The following PLD5 variants were observed in gnomAD, a reference collection of about 807,000 sequenced individuals.
PLD5 encodes inactive phospholipase D5.
Under a neutral mutation model 61.1 loss-of-function variants are expected in PLD5, and 36 were observed. The observed-to-expected ratio is 0.59, with a 90% CI of 0.45 to 0.78. The LOEUF (loss-of-function observed/expected upper bound fraction) is 0.78, where lower values mean the gene tolerates loss of function less well. Ranked by LOEUF, PLD5 falls within the 30% of genes least tolerant of loss-of-function variation. The probability of loss-of-function intolerance (pLI) is 0.00; values close to 1 mark genes in which losing one functional copy is unlikely to be tolerated. For synonymous variants in PLD5, 243 were observed against 242.8 expected, an observed-to-expected ratio of 1.00 and a Z score of -0.01; for missense variants, 515 against 644.4, an observed-to-expected ratio of 0.80 and a Z score of 2.17.
At chr1:242,263,073 G>C (rs148636344) in intron 4 of PLD5, among the ~76,000 whole-genome samples, 1 of 152,038 alleles carries the variant, frequency 6.6e-6, no homozygotes, top group Non-Finnish European at 1.5e-5. Flanking sequence ...GGAGCAAAAG[G>C]AACAGGAATG....
chr1:242,147,850 G>A (rs939869798), intron 5 of PLD5, among the ~76,000 whole-genome samples: 2 of 152,012 alleles, frequency 1.3e-5, no homozygotes, highest in African/African-American at 2.4e-5. Context: ...CAGTTTTATT[G>A]GACTGTCTCT....
intron 2 of PLD5, among the ~76,000 whole-genome samples, chr1:242,300,035 G>A (rs1325434588): frequency 2.0e-5 from 3 of 152,222 alleles, no homozygotes; most frequent in Non-Finnish European, 4.4e-5. Context: ...TTAAGGAAAA[G>A]GTTGCTTCTT....
At chr1:242,316,681 G>A (rs909587240) in intron 2 of PLD5, among the ~76,000 whole-genome samples, 3 of 151,924 alleles carry the variant, frequency 2.0e-5, no homozygotes, top group Non-Finnish European at 4.4e-5. Context: ...TTGTGTCATG[G>A]GGATTTATAG....
chr1:242,329,874 C>T (rs1659064656), intron 2 of PLD5, among the ~76,000 whole-genome samples: 2 of 152,138 alleles, frequency 1.3e-5, no homozygotes, highest in Admixed American at 6.6e-5. Flanking sequence ...GAAGGGAAAA[C>T]CCAGCTTCAC....
chr1:242,272,232 T>A (rs1674132617), intron 3 of PLD5, among the ~76,000 whole-genome samples: 1 of 152,098 alleles, frequency 6.6e-6, no homozygotes, highest in Non-Finnish European at 1.5e-5. Flanking sequence ...AACTGAGATG[T>A]ACCAAAGAGC....
intron 4 of PLD5, among the ~76,000 whole-genome samples, chr1:242,264,531 G>A (rs1673547386): frequency 6.6e-6 from 1 of 151,996 alleles, no homozygotes; most frequent in South Asian, 2.1e-4. Context: ...TGGGGAAGAC[G>A]ACAAGCAAAA....
At chr1:242,341,930 G>T (rs1241824607) in intron 2 of PLD5, among the ~76,000 whole-genome samples, 1 of 150,430 alleles carries the variant, frequency 6.6e-6, no homozygotes, top group Non-Finnish European at 1.5e-5. Flanking sequence ...AGCCACCCAG[G>T]CACGGGGGCT....
chr1:242,483,887 A>T (rs530055507), intron 1 of PLD5, among the ~76,000 whole-genome samples: 1 of 151,914 alleles, frequency 6.6e-6, no homozygotes, highest in African/African-American at 2.4e-5. Flanking sequence ...ATCAAACTAG[A>T]ACTCAGGATT....
At chr1:242,454,468 G>A (rs1280995385) in intron 1 of PLD5, among the ~76,000 whole-genome samples, 1 of 151,568 alleles carries the variant, frequency 6.6e-6, no homozygotes, top group Non-Finnish European at 1.5e-5. Flanking sequence ...GATGTTGGCA[G>A]AGGAAAAAAA....
intron 6 of PLD5, among the ~76,000 whole-genome samples, chr1:242,119,061 C>A (rs747178670): frequency 5.9e-5 from 9 of 152,130 alleles, no homozygotes; most frequent in Non-Finnish European, 1.0e-4. Context: ...AAATACAGAT[C>A]CTCTTCAATA....
chr1:242,171,741 C>A (rs1666766084), intron 5 of PLD5, among the ~76,000 whole-genome samples: 1 of 151,090 alleles, frequency 6.6e-6, no homozygotes, highest in African/African-American at 2.4e-5. Flanking sequence ...GCAGGAGTTG[C>A]AATCCTAATC....
At chr1:242,242,057 G>A (rs1435628762) in intron 4 of PLD5, among the ~76,000 whole-genome samples, 4 of 138,934 alleles carry the variant, frequency 2.9e-5, no homozygotes, top group Middle Eastern at 4.1e-3. Context: ...ATGGTTGATG[G>A]AGAGAAGGAT....
intron 1 of PLD5, among the ~76,000 whole-genome samples, chr1:242,512,562 G>A (rs142489864): frequency 6.6e-6 from 1 of 152,182 alleles, no homozygotes; most frequent in Non-Finnish European, 1.5e-5. Flanking sequence ...CAACAAGCTA[G>A]AACAATGTAC....
At chr1:242,455,943 C>G (rs972199073) in intron 1 of PLD5, among the ~76,000 whole-genome samples, 2 of 152,222 alleles carry the variant, frequency 1.3e-5, no homozygotes, top group Non-Finnish European at 2.9e-5. Flanking sequence ...CCAGCTCCCC[C>G]CATGCCACTG....
intron 4 of PLD5, among the ~76,000 whole-genome samples, chr1:242,221,253 G>T (rs527814351): frequency 1.0e-3 from 153 of 152,218 alleles, no homozygotes; most frequent in African/African-American, 3.5e-3. Context: ...CAATGCAAGG[G>T]TATTTAAATA....
intron 4 of PLD5, among the ~76,000 whole-genome samples, chr1:242,222,446 G>A (rs1004873223): frequency 1.1e-4 from 17 of 152,128 alleles, no homozygotes; most frequent in African/African-American, 2.2e-4. Context: ...CAGATTCCAC[G>A]TCAGCATGCA....
chr1:242,208,023 CAT>C (rs1491442954), intron 5 of PLD5, among the ~76,000 whole-genome samples: 3 of 137,666 alleles, frequency 2.2e-5, no homozygotes, highest in Non-Finnish European at 4.6e-5. Context: ...CACACACACA[CAT>C]ACATATATGT....
chr1:242,400,319 AG>A (rs576935595), intron 1 of PLD5, among the ~76,000 whole-genome samples: 1 of 150,650 alleles, frequency 6.6e-6, no homozygotes, highest in Non-Finnish European at 1.5e-5. Context: ...GGTGCAAAAA[AG>A]GCTGGGAATT....
intron 5 of PLD5, among the ~76,000 whole-genome samples, chr1:242,151,532 T>C (rs964336020): frequency 1.3e-5 from 2 of 152,050 alleles, no homozygotes; most frequent in African/African-American, 4.8e-5. Flanking sequence ...CCTCTAACTC[T>C]TGTCAATATT....
Sources: gnomAD v4.1 joint callset for allele counts (sites outside exome capture counted in the v4.1 genomes callset) on GRCh38, gnomAD v4.1.1 for gene constraint, MANE v1.5 for transcripts, NCBI Gene and HGNC (gene_info 2026-07-23, HGNC 2026-07-21) for gene names.